SCML4: variants seen among roughly 807,000 people sequenced by gnomAD.
SCML4 encodes Scm polycomb group protein like 4.
In SCML4, 34 loss-of-function variants were observed where a neutral mutation model predicts 41.1. That is an observed-to-expected ratio of 0.83 (90% confidence interval 0.63 to 1.10). The LOEUF (loss-of-function observed/expected upper bound fraction) is 1.10. Among genes scored for constraint, SCML4 ranks in the 50% least tolerant of loss-of-function variants. The probability of loss-of-function intolerance (pLI) is 0.00; values close to 1 mark genes in which losing one functional copy is unlikely to be tolerated. For missense variants in SCML4, 522 were observed against 534.1 expected, an observed-to-expected ratio of 0.98 and a Z score of 0.22; for synonymous variants, 214 against 220.9, an observed-to-expected ratio of 0.97 and a Z score of 0.28.
intron 3 of SCML4, among the ~76,000 whole-genome samples, chr6:107,747,736 A>G (rs1180393274): frequency 6.6e-6 from 1 of 152,170 alleles, no homozygotes; most frequent in African/African-American, 2.4e-5. Flanking sequence ...AGAGAAAAAG[A>G]AATATAAATC....
chr6:107,798,298 T>A (rs1250748191), intron 1 of SCML4, among the ~76,000 whole-genome samples: 1 of 152,004 alleles, frequency 6.6e-6, no homozygotes, highest in Non-Finnish European at 1.5e-5. Flanking sequence ...TTCATTTTTT[T>A]AATATAGAAG....
At chr6:107,779,288 A>G (rs1781299199) in intron 1 of SCML4, among the ~76,000 whole-genome samples, 1 of 152,196 alleles carries the variant, frequency 6.6e-6, no homozygotes, top group Non-Finnish European at 1.5e-5. Context: ...CAGGTGGTCT[A>G]ACAGGTTTTG....
intron 5 of SCML4, among the ~76,000 whole-genome samples, chr6:107,738,432 G>A (rs1777281138): frequency 6.6e-6 from 1 of 151,508 alleles, no homozygotes; most frequent in Non-Finnish European, 1.5e-5. Flanking sequence ...GACCAGCCTG[G>A]GCAACATGTC....
At chr6:107,721,917 A>G (rs1161670820) in intron 5 of SCML4, among the ~76,000 whole-genome samples, 1 of 152,008 alleles carries the variant, frequency 6.6e-6, no homozygotes, top group East Asian at 1.9e-4. Flanking sequence ...CAGAGGGAGG[A>G]GAGGACTTAG....
At chr6:107,786,348 C>G (rs1781895738) in intron 1 of SCML4, among the ~76,000 whole-genome samples, 1 of 152,170 alleles carries the variant, frequency 6.6e-6, no homozygotes, top group Non-Finnish European at 1.5e-5. Flanking sequence ...GTGGTTTCCC[C>G]TGGCTAGATG....
rs527449020 is a variant in SCML4, at chr6:107,715,838, AT to A, written c.973+4864del. 9.8e-5 allele frequency among the ~76,000 whole-genome samples: 15 copies of A among 152,312 alleles called. No individual in the cohort carries two copies. The South Asian group carries it at 1.9e-3, about 19-fold the overall frequency. ...TTTCTGGCTTTTGTGGTTTTAAACC[AT>A]TTTGATTAGTACCATGGGGAAAATG... On this transcript the variant is annotated intron_variant, in intron 6 of 7. Transcript: ENST00000369020.
intron 2 of SCML4, chr6:107,755,666 T>TAAAAA: frequency 7.5e-6 from 8 of 1,060,814 alleles, no homozygotes; most frequent in Non-Finnish European, 9.7e-6. Flanking sequence ...CTTAGGTTTC[T>TAAAAA]AAAAAAAAAA....
rs6921672 is a variant in SCML4, at chr6:107,707,763, T to A, written c.1119+103A>T. 3.2e-3 allele frequency: 4,650 copies of A among 1,455,662 alleles called. 150 individuals are homozygous for A. The African/African-American group carries it at 0.056, about 18-fold the overall frequency. The allele number at this position is 1,455,662 out of a possible 1,614,324, so 90.2% of individuals were successfully genotyped here. On this transcript the variant is annotated intron_variant, in intron 7 of 7. Transcript: ENST00000369020. ...CCTAGGGCTTAGTTTAGAGCACCCC[T>A]CCACCACCTCCCCTGGCAGCATCCC...
the SCML4 span, among the ~76,000 whole-genome samples, chr6:107,831,263 G>A: frequency 6.6e-6 from 1 of 152,056 alleles, no homozygotes; most frequent in Non-Finnish European, 1.5e-5. Context: ...GAATAAAGAT[G>A]TTGATCACCT....
intron 2 of SCML4, among the ~76,000 whole-genome samples, chr6:107,758,484 C>T (rs1427349037): frequency 1.3e-5 from 2 of 152,196 alleles, no homozygotes; most frequent in Non-Finnish European, 2.9e-5. Context: ...GGTTCAAGTT[C>T]TAATCCCCTG....
chr6:107,782,242 G>C (rs1010708593), intron 1 of SCML4, among the ~76,000 whole-genome samples: 2 of 152,192 alleles, frequency 1.3e-5, no homozygotes, highest in East Asian at 3.9e-4. Flanking sequence ...GCCTGGCTCA[G>C]CTGTACCCTA....
At chr6:107,755,920 C>A (rs1779072292) in intron 2 of SCML4, among the ~76,000 whole-genome samples, 1 of 152,088 alleles carries the variant, frequency 6.6e-6, no homozygotes, top group Non-Finnish European at 1.5e-5. Flanking sequence ...CAGGTGCCAA[C>A]TGAAAGAGCT....
chr6:107,763,166 G>A (rs1432957174), intron 2 of SCML4, among the ~76,000 whole-genome samples: 2 of 151,984 alleles, frequency 1.3e-5, no homozygotes, highest in Non-Finnish European at 2.9e-5. Flanking sequence ...ACAAGCATGA[G>A]CCACAATGCC....
At position 107,726,532 on chromosome 6, in the gene SCML4, CAAAAAAAA is replaced by C. The variant is rs59013088; in HGVS notation, c.683-5547_683-5540del. Among the ~76,000 whole-genome samples, 3 of 72,394 alleles carry C rather than the reference CAAAAAAAA, an allele frequency of 4.1e-5. No homozygotes were observed. In the South Asian group the frequency reaches 1.7e-3, roughly 41 times the overall value. 47.5% of individuals were successfully genotyped at this position (72,394 alleles called of 152,430 possible). On this transcript the variant is annotated intron_variant, in intron 5 of 7. Transcript: ENST00000369020. ...CGGGCAACAGACCGAGACTCCATCT[CAAAAAAAA>C]AAAAAAAAAAAAAAAGAATTATTCT...
intron 3 of SCML4, among the ~76,000 whole-genome samples, chr6:107,747,209 T>C (rs1313768095): frequency 6.6e-6 from 1 of 152,176 alleles, no homozygotes; most frequent in African/African-American, 2.4e-5. Context: ...AAAAAGGTAT[T>C]TCCATGCTGG....
upstream of SCML4, among the ~76,000 whole-genome samples, chr6:107,825,128 C>T (rs969442532): frequency 9.9e-5 from 15 of 152,194 alleles, no homozygotes; most frequent in Non-Finnish European, 1.6e-4. Context: ...TATATATCGG[C>T]GAAGGGATCT....
Position 107,772,120 on chromosome 6 carries a change from A to G in SCML4, c.156+52T>C. 3.4e-6 allele frequency: 5 copies of G among 1,486,888 alleles called. No homozygotes were observed. The South Asian group carries it at 5.4e-5, about 16-fold the overall frequency. 92.1% of individuals were successfully genotyped at this position (1,486,888 alleles called of 1,614,324 possible). ...TTTTGCAGTGCAGGTCTGACCAAGT[A>G]CCCGTGCCCCAGCCCAATACCACTT... On this transcript the variant is annotated intron_variant, in intron 2 of 7. Transcript: ENST00000369020.
intron 1 of SCML4, among the ~76,000 whole-genome samples, chr6:107,785,165 G>A (rs917542304): frequency 1.3e-5 from 2 of 151,974 alleles, no homozygotes; most frequent in African/African-American, 4.8e-5. Flanking sequence ...GTATCTTCCC[G>A]GTCCAGAGTT....
At chr6:107,803,472 A>G (rs1783444602) in intron 1 of SCML4, among the ~76,000 whole-genome samples, 1 of 141,888 alleles carries the variant, frequency 7.0e-6, no homozygotes, top group African/African-American at 2.7e-5. Context: ...CCGGGAGGTG[A>G]GGGGCGCCTC....
Sources: allele counts gnomAD v4.1 joint callset (sites outside exome capture counted in the v4.1 genomes callset), GRCh38; gene constraint gnomAD v4.1.1; transcripts MANE v1.5; gene names NCBI Gene and HGNC (gene_info 2026-07-23, HGNC 2026-07-21).